Variants in ANKRD44 observed in about 807,000 individuals in gnomAD.
ANKRD44 encodes the protein serine/threonine-protein phosphatase 6 regulatory ankyrin repeat subunit B.
In ANKRD44, 35 loss-of-function variants were observed where a neutral mutation model predicts 116.0. The observed-to-expected ratio is 0.30, with a 90% CI of 0.23 to 0.40. The LOEUF (loss-of-function observed/expected upper bound fraction) is 0.40. Among genes scored for constraint, ANKRD44 ranks in the 10% least tolerant of loss-of-function variants. ANKRD44 has a pLI of 1.00. For missense variants in ANKRD44, 1,014 were observed against 1,242.6 expected, an observed-to-expected ratio of 0.82 and a Z score of 2.77; for synonymous variants, 435 against 461.8, an observed-to-expected ratio of 0.94 and a Z score of 0.74.
At chr2:197,072,083 GAAGGAAGGAAGGAAGGAA>G (rs1330733466) in intron 16 of ANKRD44, among the ~76,000 whole-genome samples, 54 of 136,244 alleles carry the variant, frequency 4.0e-4, no homozygotes, top group African/African-American at 1.3e-3. Context: ...AGGAAGGAAG[GAAGGAAGGAAGGAAGGAA>G]AAGGAAGAAA....
intron 3 of ANKRD44, among the ~76,000 whole-genome samples, chr2:197,146,121 T>A (rs2125427306): frequency 6.6e-6 from 1 of 152,318 alleles, no homozygotes; most frequent in South Asian, 2.1e-4. Flanking sequence ...TCTGATGAAA[T>A]ATTTAAAATA....
At chr2:197,057,994 T>G (rs988455219) in intron 16 of ANKRD44, among the ~76,000 whole-genome samples, 11 of 152,248 alleles carry the variant, frequency 7.2e-5, no homozygotes, top group African/African-American at 2.7e-4. Flanking sequence ...ATAATCCATT[T>G]TCATTTATTT....
chr2:197,307,697 T>C (rs774127767), intron 1 of ANKRD44, among the ~76,000 whole-genome samples: 11 of 152,204 alleles, frequency 7.2e-5, no homozygotes, highest in Non-Finnish European at 1.5e-4. Flanking sequence ...AAGTAGTGTC[T>C]GCTTCACCTA....
chr2:197,138,538 G>A (rs771805074), intron 3 of ANKRD44, among the ~76,000 whole-genome samples: 5 of 152,214 alleles, frequency 3.3e-5, no homozygotes, highest in African/African-American at 4.8e-5. Flanking sequence ...ACAGTGTCAG[G>A]TGATGGTCAC....
chr2:197,073,160 C>T (rs1427488139), intron 16 of ANKRD44, among the ~76,000 whole-genome samples: 1 of 152,204 alleles, frequency 6.6e-6, no homozygotes, highest in East Asian at 1.9e-4. Flanking sequence ...AAGGAAGACA[C>T]ATTAGGAGCA....
chr2:196,991,748 T>C (rs1324222316), intron 27 of ANKRD44, among the ~76,000 whole-genome samples: 1 of 78,498 alleles, frequency 1.3e-5, no homozygotes, highest in African/African-American at 3.7e-5. Context: ...TACCGGCTGA[T>C]TTTTTCTTTT....
chr2:197,203,949 C>G lies in ANKRD44; in HGVS notation c.28-16843G>C, dbSNP rs897866954. 6.6e-6 allele frequency among the ~76,000 whole-genome samples: 1 copy of G among 152,076 alleles called. No homozygotes were observed. Among genetic ancestry groups the G allele is most frequent in the Admixed American group, 6.6e-5 (1 of 15,264 alleles). On this transcript the variant is annotated intron_variant, in intron 1 of 27. Transcript: ENST00000282272. This position sits in a 1 kb window ranked among gnomAD's most constrained non-coding sequence, Gnocchi z 4.1. The stretch of plus-strand genomic sequence containing the variant: ...AAGCTGATTAGCAGTTACCAGGGAT[C>G]GGGAGGGAACGGGAAGTGACTGCTT...
chr2:197,040,324 C>T, intron 16 of ANKRD44, among the ~76,000 whole-genome samples: 1 of 150,776 alleles, frequency 6.6e-6, no homozygotes, highest in African/African-American at 2.4e-5. Flanking sequence ...AGGGCAATTT[C>T]TCTGTGAAAA....
At chr2:197,119,425 G>A (rs1201614963) in intron 8 of ANKRD44, among the ~76,000 whole-genome samples, 1 of 151,984 alleles carries the variant, frequency 6.6e-6, no homozygotes, top group African/African-American at 2.4e-5. Flanking sequence ...AAATAAAAAA[G>A]CTTTTTACAG....
At chr2:197,003,467 A>G (rs1310017103) in intron 21 of ANKRD44, among the ~76,000 whole-genome samples, 1 of 152,210 alleles carries the variant, frequency 6.6e-6, no homozygotes. Context: ...TGGGGACTAT[A>G]TGAATCCCAA....
At chr2:197,303,650 G>A (rs1334009727) in intron 1 of ANKRD44, among the ~76,000 whole-genome samples, 5 of 152,156 alleles carry the variant, frequency 3.3e-5, no homozygotes, top group Non-Finnish European at 7.4e-5. Flanking sequence ...GGATGCTTAA[G>A]ACTCCCCAGG....
intron 16 of ANKRD44, among the ~76,000 whole-genome samples, chr2:197,070,502 A>C (rs1432338262): frequency 1.3e-5 from 2 of 152,078 alleles, no homozygotes; most frequent in Non-Finnish European, 2.9e-5. Context: ...GGTTGATATA[A>C]ATCTGATTTT....
chr2:197,001,815 A>C lies in ANKRD44; in HGVS notation c.2373T>G (p.Leu791=). 6.2e-7 allele frequency: 1 copy of C among 1,613,368 alleles called. No homozygotes were observed. The highest frequency in any genetic ancestry group is 2.2e-5 in the East Asian group (1 of 44,844). ...ATTTGCGAAAACATTTTTGCTCCAA[A>C]AGTACCTCTATACAGTTTTCATTAC... ...YNGNENCIEV[L]LEQKCFRKFI... The change falls in exon 22 of 28, where the codon CTT becomes CTG. Residue 791 remains leucine, a synonymous_variant. Transcript: ENST00000282272.
At chr2:197,131,358 A>AT (rs1156661316) in intron 4 of ANKRD44, among the ~76,000 whole-genome samples, 13 of 151,626 alleles carry the variant, frequency 8.6e-5, no homozygotes, top group East Asian at 3.9e-4. Flanking sequence ...CGCCCGGCTA[A>AT]TTTTTTGTAT....
At chr2:197,192,286 T>A (rs1308914410) in intron 1 of ANKRD44, among the ~76,000 whole-genome samples, 1 of 152,198 alleles carries the variant, frequency 6.6e-6, no homozygotes, top group African/African-American at 2.4e-5. Flanking sequence ...CCAAGCAGCA[T>A]CCAGGGATGC....
At chr2:196,990,905 G>A (rs557677550) in intron 27 of ANKRD44, 341 of 1,232,532 alleles carry the variant, frequency 2.8e-4, no homozygotes, top group Non-Finnish European at 3.3e-4. Flanking sequence ...TGTTAGGAGC[G>A]CAAGCCAGGG....
At chr2:197,040,230 G>A (rs886563585) in intron 16 of ANKRD44, among the ~76,000 whole-genome samples, 11 of 150,042 alleles carry the variant, frequency 7.3e-5, no homozygotes, top group Admixed American at 1.3e-4. Flanking sequence ...AGAGCGAGGC[G>A]AGACACCATC....
chr2:197,109,875 C>T (rs2078523618), intron 9 of ANKRD44, among the ~76,000 whole-genome samples: 1 of 152,116 alleles, frequency 6.6e-6, no homozygotes, highest in Non-Finnish European at 1.5e-5. Context: ...CTCCCTAGTA[C>T]TTTGACTTCA....
intron 2 of ANKRD44, among the ~76,000 whole-genome samples, chr2:197,173,543 C>A (rs140723610): frequency 6.6e-6 from 1 of 152,160 alleles, no homozygotes; most frequent in African/African-American, 2.4e-5. Flanking sequence ...CACCTTGACA[C>A]ATTTGTTCTC....
Sources: gnomAD v4.1 joint callset for allele counts (sites outside exome capture counted in the v4.1 genomes callset) on GRCh38, gnomAD v4.1.1 for gene constraint, Gnocchi (gnomAD v3.1) non-coding constraint, MANE v1.5 for transcripts, NCBI Gene and HGNC (gene_info 2026-07-23, HGNC 2026-07-21) for gene names.